The following DNAI2 variants were observed in gnomAD, a reference collection of about 807,000 sequenced individuals.
The protein encoded by DNAI2 is dynein axonemal intermediate chain 2.
Under a neutral mutation model 74.7 loss-of-function variants are expected in DNAI2, and 63 were observed. The ratio of observed to expected loss-of-function variants is 0.84; its 90% CI spans 0.69 to 1.04. The LOEUF (loss-of-function observed/expected upper bound fraction) is 1.04. Among genes scored for constraint, DNAI2 ranks in the 50% least tolerant of loss-of-function variants. The pLI is 0.00. For missense variants in DNAI2, 688 were observed against 803.2 expected, an observed-to-expected ratio of 0.86 and a Z score of 1.73; for synonymous variants, 289 against 314.9, an observed-to-expected ratio of 0.92 and a Z score of 0.87.
At chr17:74,283,629 CTAAA>C (rs2051514209) in intron 2 of DNAI2, among the ~76,000 whole-genome samples, 1 of 151,850 alleles carries the variant, frequency 6.6e-6, no homozygotes, top group African/African-American at 2.4e-5. Context: ...AACTAAATAA[CTAAA>C]TAAATAATTT....
At chr17:74,299,610 A>G (rs1031059245) in intron 6 of DNAI2, 108 bp from the exon 7 acceptor site, 4 of 1,470,784 alleles carry the variant, frequency 2.7e-6, no homozygotes, top group Non-Finnish European at 2.8e-6. Context: ...CTAGAAAACC[A>G]CATACCTGCC....
Position 74,312,058 on chromosome 17 carries a change from T to C in DNAI2, c.1550T>C (p.Met517Thr). ...ATCCTGGAGGCCAGGCACCGGGAGA[T>C]GCGGCTGAAGGAGAAGGGTAAGGCG... ...EKILEARHRE[M>T]RLKEKGKAEG... The change falls in exon 12 of 14, where the codon ATG becomes ACG. Residue 517 changes from methionine (M) to threonine (T), a missense_variant. Coordinates refer to ENST00000311014, the MANE Select transcript of DNAI2 (RefSeq NM_023036.6). 1.2e-6 allele frequency: 2 copies of C among 1,612,288 alleles called. No homozygotes were observed. Among genetic ancestry groups the C allele is most frequent in the Non-Finnish European group, 1.7e-6 (2 of 1,179,760 alleles).
chr17:74,291,162 T>C, intron 6 of DNAI2, 29 bp downstream of exon 6: 1 of 1,528,678 alleles, frequency 6.5e-7, no homozygotes, highest in Non-Finnish European at 9.0e-7. Context: ...TTTTTTATTT[T>C]TATTTTTATT....
chr17:74,305,255 G>A lies in DNAI2; in HGVS notation c.1024G>A (p.Val342Ile), dbSNP rs372196782. 4.3e-5 allele frequency: 70 copies of A among 1,614,048 alleles called. No individual in the cohort carries two copies. Among genetic ancestry groups the A allele is most frequent in the Admixed American group, 1.3e-4 (8 of 59,998 alleles). Residue 342 changes from valine (V) to isoleucine (I), a missense_variant, in exon 9 of 14, where the codon GTC (valine) becomes ATC (isoleucine). Transcript: ENST00000311014. ...CATGGTGGGGACCGAGCAGGGCATCGTCATCTCCTGCAACCGCAAGGCCAA... is the reference window on the plus strand; with the variant it reads ...CATGGTGGGGACCGAGCAGGGCATCATCATCTCCTGCAACCGCAAGGCCAA... ...KFMVGTEQGI[V>I]ISCNRKAKTS...
At chr17:74,309,598 T>G in intron 10 of DNAI2, 1 of 745,738 alleles carries the variant, frequency 1.3e-6, no homozygotes, top group Non-Finnish European at 2.3e-6. Context: ...TTTGGCATCC[T>G]GGTAGCACAA....
At chr17:74,285,668 G>T (rs140132848) in intron 3 of DNAI2, among the ~76,000 whole-genome samples, 17 of 152,172 alleles carry the variant, frequency 1.1e-4, no homozygotes, top group African/African-American at 4.1e-4. Context: ...TATACATCCT[G>T]TCCCAAAGAG....
At chr17:74,309,800 G>C in intron 10 of DNAI2, 1 of 674,690 alleles carries the variant, frequency 1.5e-6, no homozygotes, top group East Asian at 2.7e-5. Flanking sequence ...CAGGGTGACT[G>C]TGAGGCGGAA....
intron 2 of DNAI2, among the ~76,000 whole-genome samples, chr17:74,282,599 C>T (rs1484173683): frequency 6.6e-6 from 1 of 152,290 alleles, no homozygotes; most frequent in East Asian, 1.9e-4. Flanking sequence ...CTGTGCCCAG[C>T]GTGGGAGAGA....
intron 5 of DNAI2, 54 bp from the exon 6 acceptor site, chr17:74,290,966 A>G: frequency 6.6e-7 from 1 of 1,522,054 alleles, no homozygotes; most frequent in South Asian, 1.1e-5. Context: ...AAACTGGTTG[A>G]TCCTGTCCTT....
intron 8 of DNAI2, among the ~76,000 whole-genome samples, chr17:74,302,070 A>G (rs201832227): frequency 0.027 from 184 of 6,824 alleles, 3 homozygotes; most frequent in African/African-American, 0.036. Context: ...AAGGAAGGAA[A>G]GAAGGAAGGA....
chr17:74,305,939 T>C (rs1372718912), intron 9 of DNAI2, among the ~76,000 whole-genome samples: 1 of 152,220 alleles, frequency 6.6e-6, no homozygotes, highest in Non-Finnish European at 1.5e-5. Flanking sequence ...CCCAAAGCGT[T>C]GGGATTACAG....
chr17:74,291,999 G>C (rs1343095082), intron 6 of DNAI2, among the ~76,000 whole-genome samples: 1 of 152,120 alleles, frequency 6.6e-6, no homozygotes, highest in African/African-American at 2.4e-5. Context: ...GAGTAGCTGG[G>C]ACTACAGGCT....
chr17:74,312,846 C>G (rs987120398), intron 12 of DNAI2, among the ~76,000 whole-genome samples: 1 of 152,132 alleles, frequency 6.6e-6, no homozygotes, highest in African/African-American at 2.4e-5. Flanking sequence ...TTTGTACCAG[C>G]GGAGAGAGGA....
At chr17:74,284,966 C>G in intron 2 of DNAI2, 74 bp from the exon 3 acceptor site, 1 of 1,603,708 alleles carries the variant, frequency 6.2e-7, no homozygotes, top group South Asian at 1.1e-5. Context: ...CCCGTGGGAC[C>G]TGGCTTGCAG....
chr17:74,305,746 A>C lies in DNAI2; in HGVS notation c.1211+304A>C, dbSNP rs192292448. On this transcript the variant is annotated intron_variant, in intron 9 of 13. Transcript: ENST00000311014. The stretch of plus-strand genomic sequence containing the variant: ...GAGTGCAGTGGCGTGATCTCGGCTC[A>C]CTGCAGCCTCCACCTCCCAGGTTCA... 2.7e-3 allele frequency among the ~76,000 whole-genome samples: 370 copies of C among 135,012 alleles called. 2 individuals are homozygous for C. Among genetic ancestry groups the C allele is most frequent in the African/African-American group, 9.8e-3 (341 of 34,726 alleles). 88.6% of individuals were successfully genotyped at this position (135,012 alleles called of 152,430 possible). A position where few individuals can be genotyped will look rare whatever the true frequency, so the allele number is the denominator to read the frequency against.
At chr17:74,313,685 G>T (rs990745396) in intron 12 of DNAI2, among the ~76,000 whole-genome samples, 1 of 152,220 alleles carries the variant, frequency 6.6e-6, no homozygotes, top group Admixed American at 6.5e-5. Context: ...CACACTTCCT[G>T]TCTCTCTCTT....
chr17:74,276,474 G>T (rs2051090697), intron 1 of DNAI2, among the ~76,000 whole-genome samples: 1 of 152,166 alleles, frequency 6.6e-6, no homozygotes, highest in Non-Finnish European at 1.5e-5. Flanking sequence ...CCTTGCTTGG[G>T]GAAGCCCACC....
intron 1 of DNAI2, among the ~76,000 whole-genome samples, chr17:74,279,376 G>A (rs372767763): frequency 1.8e-4 from 28 of 152,248 alleles, no homozygotes; most frequent in African/African-American, 6.5e-4. Context: ...TGAGGGGATG[G>A]ATGGATACCC....
At chr17:74,281,614 T>C in intron 1 of DNAI2, 193 bp from the exon 2 acceptor site, 1 of 621,664 alleles carries the variant, frequency 1.6e-6, no homozygotes, top group Non-Finnish European at 2.8e-6. Context: ...GGGTAATGCT[T>C]AGCATATAGT....
Sources: allele counts gnomAD v4.1 joint callset (sites outside exome capture counted in the v4.1 genomes callset), GRCh38; gene constraint gnomAD v4.1.1; transcripts MANE v1.5; gene names NCBI Gene and HGNC (gene_info 2026-07-23, HGNC 2026-07-21).